The following AGTPBP1 variants were observed in gnomAD, a reference collection of about 807,000 sequenced individuals.
AGTPBP1 encodes the protein cytosolic carboxypeptidase 1.
AGTPBP1 carries 70 observed loss-of-function variants against 143.9 expected under a neutral mutation model. The ratio of observed to expected loss-of-function variants is 0.49; its 90% CI spans 0.40 to 0.59. The LOEUF (loss-of-function observed/expected upper bound fraction) is 0.59, where lower values mean the gene tolerates loss of function less well. AGTPBP1 is among the 20% of genes least tolerant of loss of function. The probability of loss-of-function intolerance (pLI) is 0.00; values close to 1 mark genes in which losing one functional copy is unlikely to be tolerated. For synonymous variants in AGTPBP1, 463 were observed against 500.2 expected (o/e 0.93, Z 0.99); for missense variants, 1,229 against 1,464.5 (o/e 0.84, Z 2.62).
intron 12 of AGTPBP1, among the ~76,000 whole-genome samples, chr9:85,644,690 T>C (rs1832706509): frequency 6.6e-6 from 1 of 152,102 alleles, no homozygotes; most frequent in Admixed American, 6.5e-5. Context: ...ATGAATCTTC[T>C]AGAAGCTACC....
At chr9:85,575,114 T>C (rs1325752808) in intron 25 of AGTPBP1, among the ~76,000 whole-genome samples, 3 of 152,224 alleles carry the variant, frequency 2.0e-5, no homozygotes, top group Non-Finnish European at 4.4e-5. Flanking sequence ...ACTTGAAATA[T>C]ATTTTTATTA....
chr9:85,737,283 T>C (rs938555003), intron 1 of AGTPBP1, among the ~76,000 whole-genome samples: 3 of 152,204 alleles, frequency 2.0e-5, no homozygotes, highest in African/African-American at 7.2e-5. Flanking sequence ...GTAAAGTGCT[T>C]CTGTAACTGA....
chr9:85,794,574 G>A, the AGTPBP1 span, among the ~76,000 whole-genome samples: 20 of 152,126 alleles, frequency 1.3e-4, no homozygotes, highest in African/African-American at 3.6e-4. Flanking sequence ...TCTTGAAGTC[G>A]AAGTGTGAAT....
At chr9:85,624,677 C>T (rs1230362353) in intron 14 of AGTPBP1, among the ~76,000 whole-genome samples, 2 of 152,104 alleles carry the variant, frequency 1.3e-5, no homozygotes, top group Non-Finnish European at 2.9e-5. Flanking sequence ...TCTTTATCTA[C>T]TTTTTAATTT....
chr9:85,781,734 T>G, the AGTPBP1 span, among the ~76,000 whole-genome samples: 8 of 152,196 alleles, frequency 5.3e-5, no homozygotes, highest in African/African-American at 1.9e-4. Flanking sequence ...AATAAAAGTA[T>G]GTATTTTTAA....
At chr9:85,667,489 G>A (rs1051622865) in intron 8 of AGTPBP1, among the ~76,000 whole-genome samples, 53 of 152,096 alleles carry the variant, frequency 3.5e-4, no homozygotes, top group African/African-American at 1.2e-3. Context: ...AACAGATACA[G>A]GCAGTGTCAT....
intron 14 of AGTPBP1, 31 bp downstream of exon 14, chr9:85,632,631 A>C: frequency 2.0e-6 from 3 of 1,528,374 alleles, no homozygotes; most frequent in Non-Finnish European, 2.6e-6. Context: ...CAATAGCCTT[A>C]TTTAGAAGAG....
At chr9:85,669,448 G>T in intron 8 of AGTPBP1, 37 bp downstream of exon 8, 1 of 1,375,112 alleles carries the variant, frequency 7.3e-7, no homozygotes, top group Non-Finnish European at 1.0e-6. Context: ...GAGTAACAAA[G>T]GCTATACCTA....
intron 17 of AGTPBP1, among the ~76,000 whole-genome samples, chr9:85,607,368 G>A (rs932742680): frequency 6.6e-6 from 1 of 152,060 alleles, no homozygotes; most frequent in Non-Finnish European, 1.5e-5. Flanking sequence ...TGGTCACAGT[G>A]AAGTTAGCTA....
chr9:85,689,388 G>A lies in AGTPBP1; in HGVS notation c.157+3301C>T, dbSNP rs534282397. ...ATTTAATTGGTTTGGGGTGAGCCTG[G>A]GTGTAGGGGTTACAAGAGTCCCCAT... On this transcript the variant is annotated intron_variant, in intron 3 of 25. Coordinates refer to ENST00000357081, the MANE Select transcript of AGTPBP1 (RefSeq NM_001330701.2). Among the ~76,000 whole-genome samples the A allele has an allele frequency of 5.9e-5, 9 of 152,072 alleles. No homozygotes were observed. In the East Asian group the frequency reaches 1.4e-3, roughly 23 times the overall value.
chr9:85,682,862 A>C (rs1159134422), intron 3 of AGTPBP1, among the ~76,000 whole-genome samples: 3 of 152,236 alleles, frequency 2.0e-5, no homozygotes, highest in African/African-American at 7.2e-5. Flanking sequence ...TTGAAAATTA[A>C]GTTACTCTAA....
the AGTPBP1 span, chr9:85,787,957 C>G: frequency 6.6e-6 from 1 of 152,166 alleles, no homozygotes. Flanking sequence ...TCACCCTGTG[C>G]TCAAAGACTC....
At chr9:85,670,316 G>A (rs924221724) in intron 7 of AGTPBP1, among the ~76,000 whole-genome samples, 6 of 152,042 alleles carry the variant, frequency 3.9e-5, no homozygotes, top group African/African-American at 1.4e-4. Context: ...TTGACTATGG[G>A]GAATCACGCA....
At chr9:85,768,185 A>G in the AGTPBP1 span, among the ~76,000 whole-genome samples, 1 of 152,218 alleles carries the variant, frequency 6.6e-6, no homozygotes. Context: ...CTATATTCAC[A>G]CTACCTTATA....
At position 85,657,563 on chromosome 9, in the gene AGTPBP1, T is replaced by A; in HGVS notation, c.781A>T (p.Asn261Tyr). 6.2e-7 allele frequency: 1 copy of A among 1,614,044 alleles called. No individual in the cohort carries two copies. The change falls in exon 10 of 26, where the codon AAC becomes TAC. Residue 261 changes from asparagine (N) to tyrosine (Y), a missense_variant. Asn to Tyr is a moderately radical substitution (Grantham distance 143). Coordinates refer to ENST00000357081, the MANE Select transcript of AGTPBP1 (RefSeq NM_001330701.2). ...CGAATGAGCATGTTTCTATGCCGGT[T>A]ATCATGGCGGTGCCAATCTACATAA... Reference protein sequence around the residue: ...TIYVDWHRHDNRHRNMLIRKG... With the variant: ...TIYVDWHRHDYRHRNMLIRKG...
At position 85,564,433 on chromosome 9, in the gene AGTPBP1, C is replaced by T. The variant is rs572364529; in HGVS notation, c.3503+10882G>A. On this transcript the variant is annotated intron_variant, in intron 25 of 25. Coordinates refer to ENST00000357081, the MANE Select transcript of AGTPBP1 (RefSeq NM_001330701.2). ...AAAATTTGCCTCAGGACAAATTATACCTTGAATCTCACCCATATCTGATTT... is the reference window on the plus strand; with the variant it reads ...AAAATTTGCCTCAGGACAAATTATATCTTGAATCTCACCCATATCTGATTT... 3.9e-5 allele frequency among the ~76,000 whole-genome samples: 6 copies of T among 152,322 alleles called. No individual in the cohort carries two copies. The South Asian group carries it at 1.2e-3, about 32-fold the overall frequency.
chr9:85,677,177 G>A (rs1282061285), intron 6 of AGTPBP1, among the ~76,000 whole-genome samples: 1 of 152,120 alleles, frequency 6.6e-6, no homozygotes, highest in Non-Finnish European at 1.5e-5. Flanking sequence ...ATAGCTATAA[G>A]AGAAGATATG....
chr9:85,729,834 T>C lies in AGTPBP1; in HGVS notation c.-34+11941A>G, dbSNP rs1267095582. ...AATTCAAGACCACAGTGAAATATCATCACCTCACACCTGTTAGGATGGCTA... is the reference window on the plus strand; with the variant it reads ...AATTCAAGACCACAGTGAAATATCACCACCTCACACCTGTTAGGATGGCTA... On this transcript the variant is annotated intron_variant, in intron 1 of 25. Coordinates refer to ENST00000357081, the MANE Select transcript of AGTPBP1 (RefSeq NM_001330701.2). Among the ~76,000 whole-genome samples the C allele has an allele frequency of 2.0e-5, 3 of 152,266 alleles. No individual in the cohort carries two copies. The East Asian group carries it at 5.8e-4, about 29-fold the overall frequency.
At chr9:85,748,001 T>G in the AGTPBP1 span, among the ~76,000 whole-genome samples, 1 of 152,192 alleles carries the variant, frequency 6.6e-6, no homozygotes, top group East Asian at 1.9e-4. Context: ...ATTATCCTCC[T>G]TCAACCTTTT....
Sources: allele counts gnomAD v4.1 joint callset (sites outside exome capture counted in the v4.1 genomes callset), GRCh38; gene constraint gnomAD v4.1.1; transcripts MANE v1.5; gene names NCBI Gene and HGNC (gene_info 2026-07-23, HGNC 2026-07-21).